The following MSR1 variants were observed in gnomAD, a reference collection of about 807,000 sequenced individuals.
MSR1 encodes the protein macrophage scavenger receptor 1.
In MSR1, 53 loss-of-function variants were observed where a neutral mutation model predicts 47.2. The observed-to-expected ratio is 1.12, with a 90% CI of 0.90 to 1.41. The LOEUF is 1.41. Among genes scored for constraint, MSR1 ranks in the 40% most tolerant of loss-of-function variants. MSR1 has a pLI of 0.00. For missense variants in MSR1, 786 were observed against 546.9 expected (o/e 1.44, Z -4.36); for synonymous variants, 239 against 185.6 (o/e 1.29, Z -2.34).
At chr8:16,140,161 C>G (rs2170120) in intron 8 of MSR1, 7 of 984,906 alleles carry the variant, frequency 7.1e-6, no homozygotes, top group Non-Finnish European at 8.4e-6. Context: ...ATAAAGAACT[C>G]TCATATTATC....
Position 16,168,641 on chromosome 8 carries a change from A to G in MSR1, c.447T>C (p.Asp149=). The change falls in exon 4 of 10, where the codon GAT becomes GAC. Residue 149 remains aspartate, a synonymous_variant. Transcript: ENST00000262101. ...GCAGAAGAATGTCATTAAATCTTTG[A>G]TCAGTTGTCATGCTGAAATTTTGGA... ...EHFQNFSMTT[D]QRFNDILLQL... is the part of the protein sequence containing the mutation. The G allele has an allele frequency of 6.2e-7, 1 of 1,614,114 alleles. No individual in the cohort carries two copies. Among genetic ancestry groups the G allele is most frequent in the African/African-American group, 1.3e-5 (1 of 75,050 alleles).
At chr8:16,150,370 G>C in intron 6 of MSR1, 59 bp from the exon 7 acceptor site, 1 of 979,320 alleles carries the variant, frequency 1.0e-6, no homozygotes, top group Non-Finnish European at 1.5e-6. Flanking sequence ...AGACTTGAGA[G>C]TATAATGAAA....
intron 5 of MSR1, among the ~76,000 whole-genome samples, chr8:16,156,925 T>G (rs1459425459): frequency 6.6e-6 from 1 of 151,938 alleles, no homozygotes; most frequent in African/African-American, 2.4e-5. Context: ...TTATGGTAAC[T>G]TCCATAACCA....
intron 9 of MSR1, among the ~76,000 whole-genome samples, chr8:16,112,943 G>GT (rs71543671): frequency 0.046 from 4,037 of 87,736 alleles, 154 homozygotes; most frequent in South Asian, 0.1. Flanking sequence ...TTTTTTTTAA[G>GT]TTTTTTTTTT....
chr8:16,175,598 C>T (rs1165963195), intron 2 of MSR1, among the ~76,000 whole-genome samples: 3 of 152,140 alleles, frequency 2.0e-5, no homozygotes, highest in Non-Finnish European at 2.9e-5. Flanking sequence ...ATTTTAATAT[C>T]GACACTTACA....
At chr8:16,166,433 T>C (rs1201369718) in intron 4 of MSR1, among the ~76,000 whole-genome samples, 1 of 152,052 alleles carries the variant, frequency 6.6e-6, no homozygotes, top group Non-Finnish European at 1.5e-5. Context: ...AGTGCTGGGA[T>C]TACAGGTGTG....
At chr8:16,151,019 A>G (rs1170438270) in intron 6 of MSR1, among the ~76,000 whole-genome samples, 3 of 152,144 alleles carry the variant, frequency 2.0e-5, no homozygotes, top group Admixed American at 6.6e-5. Flanking sequence ...ACAACTGTAT[A>G]TAAAAGAAAA....
At chr8:16,114,305 A>G (rs1799828086) in intron 9 of MSR1, among the ~76,000 whole-genome samples, 1 of 152,078 alleles carries the variant, frequency 6.6e-6, no homozygotes, top group African/African-American at 2.4e-5. Flanking sequence ...CAAAGAAAAG[A>G]CAGCTAAGAA....
intron 8 of MSR1, chr8:16,121,167 G>A (rs1162611911): frequency 6.9e-6 from 3 of 432,352 alleles, no homozygotes; most frequent in South Asian, 3.4e-5. Flanking sequence ...TCCTTGTTGT[G>A]AGGTTCCTGG....
At chr8:16,160,883 A>T (rs551731796) in intron 5 of MSR1, among the ~76,000 whole-genome samples, 18 of 152,082 alleles carry the variant, frequency 1.2e-4, no homozygotes, top group Admixed American at 1.0e-3. Flanking sequence ...AGAGAAGTAG[A>T]CAGGTGACAG....
intron 5 of MSR1, among the ~76,000 whole-genome samples, chr8:16,160,956 G>C (rs142953201): frequency 4.6e-5 from 7 of 150,886 alleles, no homozygotes; most frequent in South Asian, 4.2e-4. Context: ...ATTTAAGCAA[G>C]AGAGAGAAAA....
chr8:16,177,652 T>G (rs1263260801), intron 2 of MSR1, among the ~76,000 whole-genome samples: 1 of 152,180 alleles, frequency 6.6e-6, no homozygotes, highest in Non-Finnish European at 1.5e-5. Context: ...CCTAATATTG[T>G]AGCTGGGAAG....
chr8:16,166,296 T>G (rs1801307508), intron 4 of MSR1, among the ~76,000 whole-genome samples: 1 of 149,870 alleles, frequency 6.7e-6, no homozygotes, highest in Non-Finnish European at 1.5e-5. Flanking sequence ...TAGCTGGGAT[T>G]ACAGGTGCAC....
chr8:16,136,739 A>C (rs1278892502), intron 8 of MSR1, among the ~76,000 whole-genome samples: 1 of 152,038 alleles, frequency 6.6e-6, no homozygotes, highest in East Asian at 1.9e-4. Context: ...AGTATTTGGG[A>C]CTACAGGCAT....
chr8:16,136,199 T>C (rs1232507098), intron 8 of MSR1, among the ~76,000 whole-genome samples: 2 of 152,110 alleles, frequency 1.3e-5, no homozygotes, highest in African/African-American at 4.8e-5. Context: ...CAGAGAAATC[T>C]CTCATGAGGA....
intron 1 of MSR1, among the ~76,000 whole-genome samples, chr8:16,191,747 G>C (rs1802205881): frequency 6.6e-6 from 1 of 152,116 alleles, no homozygotes; most frequent in South Asian, 2.1e-4. Context: ...TAAAACATCT[G>C]TAATCTCAGT....
Position 16,168,683 on chromosome 8 carries a change from G to C in MSR1, c.405C>G (p.Leu135=). ...IQHILDMEAN[L]MDTEHFQNFS... ...AATTTTGGAAATGCTCTGTGTCCAT[G>C]AGGTTGGCTTCCATGTCTAAAATAT... Residue 135 remains leucine, a synonymous_variant, in exon 4 of 10, where the codon CTC becomes CTG. Transcript: ENST00000262101. The C allele has an allele frequency of 6.2e-7, 1 of 1,614,138 alleles. No homozygotes were observed. Among genetic ancestry groups the C allele is most frequent in the Non-Finnish European group, 8.5e-7 (1 of 1,180,016 alleles).
intron 6 of MSR1, among the ~76,000 whole-genome samples, chr8:16,153,702 G>A (rs946328232): frequency 6.6e-6 from 1 of 151,982 alleles, no homozygotes; most frequent in Non-Finnish European, 1.5e-5. Flanking sequence ...ATGAAGCACT[G>A]TATGGCAAGA....
chr8:16,120,263 G>C (rs1799967680), intron 9 of MSR1, among the ~76,000 whole-genome samples, 155 bp downstream of exon 9: 1 of 151,778 alleles, frequency 6.6e-6, no homozygotes, highest in African/African-American at 2.4e-5. Flanking sequence ...TGTAGTCCCA[G>C]CTACTAGGCA....
Sources: gnomAD v4.1 joint callset for allele counts (sites outside exome capture counted in the v4.1 genomes callset) on GRCh38, gnomAD v4.1.1 for gene constraint, MANE v1.5 for transcripts, NCBI Gene and HGNC (gene_info 2026-07-23, HGNC 2026-07-21) for gene names.